The following EPB41 variants were observed in gnomAD, a reference collection of about 807,000 sequenced individuals.
The protein encoded by EPB41 is protein 4.1.
In EPB41, 65 loss-of-function variants were observed where a neutral mutation model predicts 108.0. The ratio of observed to expected loss-of-function variants is 0.60; its 90% CI spans 0.49 to 0.74. The LOEUF (loss-of-function observed/expected upper bound fraction) is 0.74. Among genes scored for constraint, EPB41 ranks in the 30% least tolerant of loss-of-function variants. The pLI, the probability that EPB41 is intolerant of heterozygous loss-of-function variation, is 0.00. For missense variants in EPB41, 875 were observed against 1,037.0 expected, an observed-to-expected ratio of 0.84 and a Z score of 2.15; for synonymous variants, 336 against 358.9, an observed-to-expected ratio of 0.94 and a Z score of 0.72.
chr1:29,101,630 T>G (rs373179657), intron 17 of EPB41, among the ~76,000 whole-genome samples: 5 of 152,134 alleles, frequency 3.3e-5, no homozygotes, highest in Admixed American at 6.6e-5. Context: ...ATCATGCCAC[T>G]GCATTCCAGC....
In EPB41 at chr1:29,119,061, C is replaced by G. The variant is rs1671441970; in HGVS notation, c.*2249C>G. The G allele has an allele frequency of 2.6e-5, 4 of 152,372 alleles. No homozygotes were observed. The South Asian group carries it at 8.3e-4, about 32-fold the overall frequency. The allele number at this position is 152,372 out of a possible 1,614,324, so 9.4% of individuals were successfully genotyped here. On this transcript the variant is annotated 3_prime_UTR_variant, in exon 21 of 21. Transcript: ENST00000343067. ...GCAGCTTTCACAGCACAGGACCGTTCATCGGGGGCCTAAACGTTTCCCTCA... is the reference window on the plus strand; with the variant it reads ...GCAGCTTTCACAGCACAGGACCGTTGATCGGGGGCCTAAACGTTTCCCTCA...
chr1:28,917,680 A>G lies in EPB41; in HGVS notation c.-8+2912A>G, dbSNP rs149584227. ...ACTGCCGCCTTGAACTCCTGGGTTC[A>G]AGTGATTCTCCCACCTGAGCCTCCT... On this transcript the variant is annotated intron_variant, in intron 1 of 20. Transcript: ENST00000343067. Among the ~76,000 whole-genome samples the G allele has an allele frequency of 3.9e-3, 591 of 152,122 alleles. 2 individuals are homozygous for G. Among genetic ancestry groups the G allele is most frequent in the African/African-American group, 0.011 (472 of 41,510 alleles).
intron 1 of EPB41, among the ~76,000 whole-genome samples, chr1:28,953,757 T>C (rs1354393712): frequency 1.3e-5 from 2 of 152,242 alleles, no homozygotes; most frequent in Non-Finnish European, 2.9e-5. Flanking sequence ...CTCATTTTCA[T>C]CTTACGTAGT....
At chr1:28,938,034 C>G (rs1303289379) in intron 1 of EPB41, among the ~76,000 whole-genome samples, 1 of 152,174 alleles carries the variant, frequency 6.6e-6, no homozygotes, top group Non-Finnish European at 1.5e-5. Flanking sequence ...TTTCTGGACT[C>G]TCAGTTCCAT....
rs139924976 is a variant in EPB41, at chr1:29,110,313, C to T, written c.2415+876C>T. ...TAAGCCGTGATCATGCCACTGCACTCCAGCCTGAGTGACAGAGCAAGACCC... is the reference window on the plus strand; with the variant it reads ...TAAGCCGTGATCATGCCACTGCACTTCAGCCTGAGTGACAGAGCAAGACCC... On this transcript the variant is annotated intron_variant, in intron 18 of 20. Coordinates refer to ENST00000343067, the MANE Select transcript of EPB41 (RefSeq NM_001376013.1). 2.2e-3 allele frequency among the ~76,000 whole-genome samples: 339 copies of T among 152,328 alleles called. 1 individual carries two copies. Among genetic ancestry groups the T allele is most frequent in the African/African-American group, 8.0e-3 (332 of 41,570 alleles).
intron 1 of EPB41, among the ~76,000 whole-genome samples, chr1:28,907,808 G>T (rs1474628295): frequency 1.3e-5 from 2 of 149,740 alleles, no homozygotes; most frequent in African/African-American, 5.0e-5. Flanking sequence ...TCCAAAGCTA[G>T]TGCCAGATTG....
Position 29,059,135 on chromosome 1 carries a change from C to T in EPB41, c.1944+283C>T, listed in dbSNP as rs149017273. 7.7e-3 allele frequency among the ~76,000 whole-genome samples: 1,169 copies of T among 152,116 alleles called. 11 individuals carry two copies. Among genetic ancestry groups the T allele is most frequent in the Middle Eastern group, 0.065 (19 of 292 alleles). On this transcript the variant is annotated intron_variant, in intron 14 of 20. Transcript: ENST00000343067. ...ACTAAAAATACAAAAATTAGCCAGG[C>T]GTGTTGGTGCACGCCTTTAATCCCA...
intron 12 of EPB41, among the ~76,000 whole-genome samples, chr1:29,057,373 CAAAAAAAAAAAA>C (rs72047998): frequency 1.5e-5 from 1 of 65,294 alleles, no homozygotes; most frequent in South Asian, 7.7e-4. Flanking sequence ...GACTCTGTCT[CAAAAAAAAAAAA>C]AAAAAAAAAA....
intron 1 of EPB41, among the ~76,000 whole-genome samples, chr1:28,899,911 A>G (rs2091098198): frequency 6.6e-6 from 1 of 152,232 alleles, no homozygotes; most frequent in Admixed American, 6.5e-5. Flanking sequence ...TGAGACCTCT[A>G]GCAAGTTGTT....
chr1:29,080,406 T>C (rs1656066514), intron 16 of EPB41, among the ~76,000 whole-genome samples: 2 of 148,656 alleles, frequency 1.3e-5, no homozygotes, highest in Admixed American at 1.3e-4. Flanking sequence ...CTGGCCCCTT[T>C]TTTTCTTTTT....
intron 4 of EPB41, among the ~76,000 whole-genome samples, chr1:29,008,982 T>C (rs770519497): frequency 5.3e-5 from 8 of 152,244 alleles, no homozygotes; most frequent in Non-Finnish European, 1.0e-4. Flanking sequence ...TTTTGGTGCA[T>C]GTCCTCTGTG....
intron 16 of EPB41, 158 bp downstream of exon 16, chr1:29,065,316 ATTT>A: frequency 7.6e-7 from 1 of 1,320,006 alleles, no homozygotes; most frequent in Non-Finnish European, 9.8e-7. Flanking sequence ...TCAAATATTT[ATTT>A]TTTTTTAAGT....
intron 1 of EPB41, among the ~76,000 whole-genome samples, chr1:28,924,464 G>A (rs1041366188): frequency 6.6e-5 from 10 of 152,114 alleles, no homozygotes; most frequent in African/African-American, 2.4e-4. Context: ...GAGAGGTGGC[G>A]GTTGTAGTGA....
upstream of EPB41, among the ~76,000 whole-genome samples, chr1:28,914,298 G>T (rs1308863710): frequency 6.6e-6 from 1 of 152,236 alleles, no homozygotes; most frequent in African/African-American, 2.4e-5. Context: ...GCTCCAGACC[G>T]GGTTCGACTT....
At chr1:29,028,681 C>A (rs2096751638) in intron 7 of EPB41, among the ~76,000 whole-genome samples, 2 of 152,110 alleles carry the variant, frequency 1.3e-5, no homozygotes, top group African/African-American at 2.4e-5. Flanking sequence ...TCCCTGAGAA[C>A]CTGTTTCTTC....
chr1:28,955,177 A>G (rs1308006738), intron 1 of EPB41, among the ~76,000 whole-genome samples: 1 of 152,216 alleles, frequency 6.6e-6, no homozygotes, highest in Non-Finnish European at 1.5e-5. Flanking sequence ...GCAAGTACAC[A>G]GGCCAGTTAC....
intron 1 of EPB41, among the ~76,000 whole-genome samples, chr1:28,933,566 A>C (rs1245394019): frequency 6.6e-6 from 1 of 152,216 alleles, no homozygotes; most frequent in Non-Finnish European, 1.5e-5. Flanking sequence ...CCAGGATTCA[A>C]TCTAGGCTAT....
chr1:28,948,627 A>G (rs1028744741), intron 1 of EPB41, among the ~76,000 whole-genome samples: 4 of 151,786 alleles, frequency 2.6e-5, no homozygotes, highest in Admixed American at 2.6e-4. Flanking sequence ...CGCTATTTTT[A>G]TATGCTTGTG....
At chr1:28,984,307 G>A (rs558044348) in intron 1 of EPB41, among the ~76,000 whole-genome samples, 17 of 152,304 alleles carry the variant, frequency 1.1e-4, no homozygotes, top group Admixed American at 9.8e-4. Flanking sequence ...TTTGAGGGTA[G>A]GGTTTCGTCA....
Sources: gnomAD v4.1 joint callset for allele counts (sites outside exome capture counted in the v4.1 genomes callset) on GRCh38, gnomAD v4.1.1 for gene constraint, MANE v1.5 for transcripts, NCBI Gene and HGNC (gene_info 2026-07-23, HGNC 2026-07-21) for gene names.